EXT1: variants seen among roughly 807,000 people sequenced by gnomAD.
EXT1 encodes the protein exostosin glycosyltransferase 1.
In EXT1, 20 loss-of-function variants were observed where a neutral mutation model predicts 82.5. The ratio of observed to expected loss-of-function variants is 0.24; its 90% CI spans 0.17 to 0.35. EXT1 has a LOEUF of 0.35. EXT1 is among the 10% of genes least tolerant of loss of function. EXT1 has a pLI of 1.00. For synonymous variants in EXT1, 348 were observed against 350.8 expected, an observed-to-expected ratio of 0.99 and a Z score of 0.09; for missense variants, 757 against 936.5, an observed-to-expected ratio of 0.81 and a Z score of 2.50.
At chr8:117,878,048 G>A (rs756956497) in intron 1 of EXT1, among the ~76,000 whole-genome samples, 3 of 152,118 alleles carry the variant, frequency 2.0e-5, no homozygotes, top group Admixed American at 6.5e-5. Context: ...CGAGGTGGGC[G>A]GATCACTTGA....
intron 1 of EXT1, among the ~76,000 whole-genome samples, chr8:117,927,758 A>G (rs17475722): frequency 0.021 from 3,204 of 152,318 alleles, 44 homozygotes; most frequent in Middle Eastern, 0.048. Flanking sequence ...CGGTGACACT[A>G]GAGCCCTGTC....
chr8:117,831,381 T>C (rs1812096395), intron 3 of EXT1, among the ~76,000 whole-genome samples: 1 of 152,188 alleles, frequency 6.6e-6, no homozygotes, highest in Admixed American at 6.5e-5. Flanking sequence ...ATTATCATTA[T>C]TGGTATCAGG....
chr8:118,016,355 C>A (rs139946564), intron 1 of EXT1, among the ~76,000 whole-genome samples: 1 of 152,074 alleles, frequency 6.6e-6, no homozygotes, highest in Non-Finnish European at 1.5e-5. Context: ...ATCACGCCAC[C>A]GTACTCCAGC....
chr8:117,889,299 T>C (rs1275902131), intron 1 of EXT1, among the ~76,000 whole-genome samples: 1 of 152,204 alleles, frequency 6.6e-6, no homozygotes, highest in African/African-American at 2.4e-5. Context: ...TTGAGTTTTC[T>C]GTCACTCCTA....
intron 6 of EXT1, among the ~76,000 whole-genome samples, chr8:117,819,302 T>C (rs1340848109): frequency 4.6e-5 from 7 of 152,242 alleles, no homozygotes; most frequent in Non-Finnish European, 1.0e-4. Context: ...CTTCTTCTAT[T>C]GAAGCTTAGT....
At chr8:118,060,811 C>T (rs901716793) in intron 1 of EXT1, among the ~76,000 whole-genome samples, 5 of 152,206 alleles carry the variant, frequency 3.3e-5, no homozygotes, top group African/African-American at 1.2e-4. Context: ...GTAAAAATCA[C>T]ATCACCAAAG....
intron 1 of EXT1, among the ~76,000 whole-genome samples, chr8:118,009,389 T>C (rs931334129): frequency 6.6e-6 from 1 of 152,154 alleles, no homozygotes; most frequent in African/African-American, 2.4e-5. Flanking sequence ...AATGAGGGCA[T>C]AGATTTGTGG....
chr8:118,005,610 C>T (rs901953333), intron 1 of EXT1, among the ~76,000 whole-genome samples: 1 of 152,206 alleles, frequency 6.6e-6, no homozygotes, highest in Non-Finnish European at 1.5e-5. Context: ...GATCTAAGGT[C>T]ACACAAGCTG....
chr8:117,893,838 G>A (rs547863092), intron 1 of EXT1, among the ~76,000 whole-genome samples: 1 of 152,128 alleles, frequency 6.6e-6, no homozygotes, highest in Non-Finnish European at 1.5e-5. Context: ...TGCCAGACCC[G>A]TTATCACCTA....
chr8:117,819,161 C>G (rs1039693401), intron 6 of EXT1, among the ~76,000 whole-genome samples: 3 of 152,158 alleles, frequency 2.0e-5, no homozygotes, highest in Non-Finnish European at 4.4e-5. Flanking sequence ...GAAAAACCAC[C>G]GTTCAATATG....
intron 1 of EXT1, among the ~76,000 whole-genome samples, chr8:118,053,658 G>T (rs901210313): frequency 6.6e-6 from 1 of 152,100 alleles, no homozygotes; most frequent in African/African-American, 2.4e-5. Flanking sequence ...ATAATCGGTG[G>T]CCTCAGTTAC....
chr8:117,930,700 T>C lies in EXT1; in HGVS notation c.963-93499A>G, dbSNP rs976824938. On this transcript the variant is annotated intron_variant, in intron 1 of 10. Coordinates refer to ENST00000378204, the MANE Select transcript of EXT1 (RefSeq NM_000127.3). ...AGGTGTTTGAACCACAGTGACTCCATCTTGAGTAGGGGCTGGGTAAAATAA... is the reference window on the plus strand; with the variant it reads ...AGGTGTTTGAACCACAGTGACTCCACCTTGAGTAGGGGCTGGGTAAAATAA... Among the ~76,000 whole-genome samples, 5 of 152,168 alleles carry C rather than the reference T, an allele frequency of 3.3e-5. No individual in the cohort carries two copies. The East Asian group carries it at 7.7e-4, about 23-fold the overall frequency.
At chr8:117,888,388 CA>C (rs1177263619) in intron 1 of EXT1, among the ~76,000 whole-genome samples, 3 of 152,108 alleles carry the variant, frequency 2.0e-5, no homozygotes, top group African/African-American at 7.2e-5. Flanking sequence ...GCATGAGTTT[CA>C]GATCTTCAAA....
intron 1 of EXT1, among the ~76,000 whole-genome samples, chr8:117,946,718 C>T (rs925467745): frequency 3.3e-5 from 5 of 152,334 alleles, no homozygotes; most frequent in South Asian, 4.1e-4. Flanking sequence ...GGAGGGCCCA[C>T]GGCCTCTGAA....
chr8:118,066,642 T>C (rs2129954448), intron 1 of EXT1, among the ~76,000 whole-genome samples: 1 of 152,304 alleles, frequency 6.6e-6, no homozygotes, highest in East Asian at 1.9e-4. Flanking sequence ...ATTACACATG[T>C]GAACCACAGC....
chr8:118,069,140 A>C (rs1817041579), intron 1 of EXT1, among the ~76,000 whole-genome samples: 1 of 152,244 alleles, frequency 6.6e-6, no homozygotes, highest in African/African-American at 2.4e-5. Flanking sequence ...AGAAAGACTG[A>C]GAAGGGACAT....
chr8:117,951,531 TC>T (rs1308864263), intron 1 of EXT1, among the ~76,000 whole-genome samples: 2 of 152,186 alleles, frequency 1.3e-5, no homozygotes, highest in African/African-American at 4.8e-5. Flanking sequence ...GAGTCATGGC[TC>T]TGCCTTCATG....
At chr8:118,045,519 T>C (rs182440537) in intron 1 of EXT1, among the ~76,000 whole-genome samples, 1 of 152,166 alleles carries the variant, frequency 6.6e-6, no homozygotes, top group Admixed American at 6.5e-5. Flanking sequence ...CAACATAGAA[T>C]GTGGCACTGC....
At chr8:117,803,363 T>C (rs935052549) in intron 10 of EXT1, among the ~76,000 whole-genome samples, 27 of 150,940 alleles carry the variant, frequency 1.8e-4, no homozygotes, top group African/African-American at 6.7e-4. Flanking sequence ...GACCAGCTAA[T>C]TTTTTGTATT....
Sources: gnomAD v4.1 joint callset for allele counts (sites outside exome capture counted in the v4.1 genomes callset) on GRCh38, gnomAD v4.1.1 for gene constraint, MANE v1.5 for transcripts, NCBI Gene and HGNC (gene_info 2026-07-23, HGNC 2026-07-21) for gene names.